The following FSTL5 variants were observed in gnomAD, a reference collection of about 807,000 sequenced individuals.
FSTL5 encodes the protein follistatin like 5.
FSTL5 carries 62 observed loss-of-function variants against 89.1 expected under a neutral mutation model. That is an observed-to-expected ratio of 0.70 (90% confidence interval 0.57 to 0.86). The LOEUF is 0.86. Among genes scored for constraint, FSTL5 ranks in the 40% least tolerant of loss-of-function variants. FSTL5 has a pLI of 0.00. For missense variants in FSTL5, 1,057 were observed against 1,001.6 expected (o/e 1.06, Z -0.75); for synonymous variants, 383 against 346.2 (o/e 1.11, Z -1.18).
At chr4:161,953,760 G>T (rs567439694) in intron 3 of FSTL5, among the ~76,000 whole-genome samples, 2 of 151,692 alleles carry the variant, frequency 1.3e-5, no homozygotes, top group South Asian at 2.1e-4. Flanking sequence ...GCTTCAGTTT[G>T]TGTATCTCAG....
chr4:162,163,139 G>A (rs981758454), intron 1 of FSTL5, among the ~76,000 whole-genome samples: 2 of 152,116 alleles, frequency 1.3e-5, no homozygotes, highest in Non-Finnish European at 2.9e-5. Flanking sequence ...GCACTTTGAA[G>A]TCTATGCTTT....
chr4:161,668,675 T>C (rs965447062), intron 6 of FSTL5, among the ~76,000 whole-genome samples: 1 of 152,094 alleles, frequency 6.6e-6, no homozygotes, highest in Non-Finnish European at 1.5e-5. Context: ...CTATGACACG[T>C]TGGTGTTTGT....
At chr4:162,026,299 A>ATTTTATTTTTTTTTTT (rs1437294333) in intron 3 of FSTL5, among the ~76,000 whole-genome samples, 1 of 10,812 alleles carries the variant, frequency 9.2e-5, no homozygotes, top group Non-Finnish European at 1.9e-4. Context: ...CAGCTTATGT[A>ATTTTATTTTTTTTTTT]TTTTCTTTTT....
intron 15 of FSTL5, among the ~76,000 whole-genome samples, chr4:161,415,659 T>C (rs941708733): frequency 2.7e-5 from 4 of 150,136 alleles, no homozygotes; most frequent in Non-Finnish European, 5.9e-5. Flanking sequence ...GATACATATA[T>C]ATATAGAGAG....
At chr4:161,907,742 C>T (rs1560910214) in intron 4 of FSTL5, among the ~76,000 whole-genome samples, 1 of 152,036 alleles carries the variant, frequency 6.6e-6, no homozygotes, top group South Asian at 2.1e-4. Context: ...TGGAGCACTG[C>T]CTACTTATTA....
intron 15 of FSTL5, among the ~76,000 whole-genome samples, chr4:161,401,104 A>G (rs1578945158): frequency 6.6e-6 from 1 of 152,314 alleles, no homozygotes; most frequent in East Asian, 1.9e-4. Context: ...TTTATTGCAA[A>G]CTGATGAAAA....
At chr4:162,123,770 A>G (rs1442896043) in intron 1 of FSTL5, among the ~76,000 whole-genome samples, 1 of 152,138 alleles carries the variant, frequency 6.6e-6, no homozygotes, top group African/African-American at 2.4e-5. Flanking sequence ...AGCAAGAGAC[A>G]TATAACTTAC....
At chr4:161,876,222 A>G (rs115466390) in intron 4 of FSTL5, among the ~76,000 whole-genome samples, 5 of 152,208 alleles carry the variant, frequency 3.3e-5, no homozygotes, top group African/African-American at 1.2e-4. Context: ...AAATGCCCCA[A>G]TGACATTTTT....
chr4:161,819,835 T>C (rs1730437653), intron 4 of FSTL5, among the ~76,000 whole-genome samples: 1 of 152,046 alleles, frequency 6.6e-6, no homozygotes, highest in South Asian at 2.1e-4. Context: ...CCAAGGAAAA[T>C]TTTGTTCACA....
chr4:162,001,572 A>C (rs1054899635), intron 3 of FSTL5, among the ~76,000 whole-genome samples: 1 of 151,012 alleles, frequency 6.6e-6, no homozygotes, highest in Non-Finnish European at 1.5e-5. Flanking sequence ...ACATACATAA[A>C]GTGCCTTCTG....
intron 3 of FSTL5, among the ~76,000 whole-genome samples, chr4:161,967,418 A>C (rs1735359940): frequency 6.6e-6 from 1 of 151,968 alleles, no homozygotes; most frequent in Non-Finnish European, 1.5e-5. Flanking sequence ...AAAAAATTAA[A>C]AGAAGAAAAG....
chr4:162,052,323 G>T (rs1206427482), intron 2 of FSTL5, among the ~76,000 whole-genome samples: 2 of 151,518 alleles, frequency 1.3e-5, no homozygotes, highest in Non-Finnish European at 3.0e-5. Flanking sequence ...GCCTTAAGTG[G>T]CTACCTTTGA....
intron 4 of FSTL5, among the ~76,000 whole-genome samples, chr4:161,788,128 G>C (rs370164127): frequency 5.1e-4 from 78 of 151,978 alleles, no homozygotes; most frequent in African/African-American, 1.6e-3. Flanking sequence ...AAGTTTTATT[G>C]GTTTTTAATT....
chr4:162,035,849 G>C (rs1220549495), intron 2 of FSTL5, among the ~76,000 whole-genome samples: 2 of 152,048 alleles, frequency 1.3e-5, no homozygotes, highest in Non-Finnish European at 2.9e-5. Flanking sequence ...CCTACTTAGA[G>C]CAAGGTTTGC....
chr4:161,889,349 A>C (rs1732914690), intron 4 of FSTL5, among the ~76,000 whole-genome samples: 1 of 152,112 alleles, frequency 6.6e-6, no homozygotes, highest in African/African-American at 2.4e-5. Flanking sequence ...CAGCTTGTAA[A>C]TGCATAAAAT....
intron 15 of FSTL5, among the ~76,000 whole-genome samples, chr4:161,397,034 C>T (rs1436817534): frequency 1.3e-5 from 2 of 152,096 alleles, no homozygotes; most frequent in Non-Finnish European, 2.9e-5. Context: ...TAGCACTTTA[C>T]AAGTGTAGAA....
At chr4:161,619,641 A>G (rs1231928874) in intron 7 of FSTL5, among the ~76,000 whole-genome samples, 1 of 152,310 alleles carries the variant, frequency 6.6e-6, no homozygotes, top group African/African-American at 2.4e-5. Flanking sequence ...ACAATGAGAT[A>G]CCATCTCACA....
chr4:162,149,422 C>G (rs931249566), intron 1 of FSTL5, among the ~76,000 whole-genome samples: 9 of 151,296 alleles, frequency 5.9e-5, no homozygotes, highest in Admixed American at 5.9e-4. Context: ...GCCCAGAGTT[C>G]AAGAACAGCA....
At chr4:161,875,003 A>G (rs1190688998) in intron 4 of FSTL5, among the ~76,000 whole-genome samples, 1 of 152,132 alleles carries the variant, frequency 6.6e-6, no homozygotes, top group African/African-American at 2.4e-5. Context: ...TTATTTCTAC[A>G]ACTTTTGTTC....
Sources: allele counts gnomAD v4.1 joint callset (sites outside exome capture counted in the v4.1 genomes callset), GRCh38; gene constraint gnomAD v4.1.1; transcripts MANE v1.5; gene names NCBI Gene and HGNC (gene_info 2026-07-23, HGNC 2026-07-21).